The following SLC25A12 variants were observed in gnomAD, a reference collection of about 807,000 sequenced individuals.
SLC25A12 encodes electrogenic aspartate/glutamate antiporter SLC25A12, mitochondrial.
In SLC25A12, 32 loss-of-function variants were observed where a neutral mutation model predicts 83.3. The ratio of observed to expected loss-of-function variants is 0.38; its 90% confidence interval spans 0.29 to 0.52. SLC25A12 has a LOEUF of 0.52. Ranked by LOEUF, SLC25A12 falls within the 20% of genes least tolerant of loss-of-function variation. SLC25A12 has a pLI of 0.84. For synonymous variants in SLC25A12, 267 were observed against 291.1 expected (o/e 0.92, Z 0.84); for missense variants, 611 against 835.6 (o/e 0.73, Z 3.31).
chr2:171,854,841 T>A lies in SLC25A12; in HGVS notation c.325+993A>T, dbSNP rs978860467. On this transcript the variant is annotated intron_variant, in intron 4 of 17. Transcript: ENST00000422440. ...TCAAACACAATAGTGAATAAGTGTTTAATGCCATAGCTCAGGGAAAGCCTG... is the reference window on the plus strand; with the variant it reads ...TCAAACACAATAGTGAATAAGTGTTAAATGCCATAGCTCAGGGAAAGCCTG... 6.0e-4 allele frequency among the ~76,000 whole-genome samples: 91 copies of A among 152,216 alleles called. 1 individual carries two copies. The highest frequency in any genetic ancestry group is 2.1e-3 in the African/African-American group (85 of 41,460).
intron 14 of SLC25A12, 90 bp from the exon 15 acceptor site, chr2:171,791,679 C>A (rs1683464723): frequency 8.0e-7 from 1 of 1,253,486 alleles, no homozygotes; most frequent in Non-Finnish European, 1.2e-6. Flanking sequence ...CAGTGACAAG[C>A]TTGAGGTGTC....
intron 3 of SLC25A12, among the ~76,000 whole-genome samples, chr2:171,864,101 T>C (rs1473108442): frequency 4.6e-5 from 7 of 152,214 alleles, no homozygotes; most frequent in African/African-American, 1.4e-4. Flanking sequence ...ATTGATTCTA[T>C]TGCATGCGAG....
chr2:171,852,843 TC>T (rs1291916849), intron 4 of SLC25A12, among the ~76,000 whole-genome samples: 1 of 152,222 alleles, frequency 6.6e-6, no homozygotes, highest in African/African-American at 2.4e-5. Flanking sequence ...AAGGAAACTT[TC>T]TTTTATCATT....
intron 3 of SLC25A12, among the ~76,000 whole-genome samples, chr2:171,858,267 A>G (rs1685084876): frequency 6.6e-6 from 1 of 152,198 alleles, no homozygotes; most frequent in South Asian, 2.1e-4. Context: ...ATATTTCAAA[A>G]TGTGTTAATT....
intron 13 of SLC25A12, among the ~76,000 whole-genome samples, chr2:171,808,844 C>CTG (rs1489847073): frequency 9.9e-5 from 15 of 151,714 alleles, no homozygotes; most frequent in African/African-American, 3.6e-4. Context: ...CTATCTCTCC[C>CTG]CCAACCCCCA....
chr2:171,834,752 T>C lies in SLC25A12; in HGVS notation c.726A>G (p.Thr242=), dbSNP rs980723775. 4 of 1,613,776 alleles carry C rather than the reference T, an allele frequency of 2.5e-6. No homozygotes were observed. The highest frequency in any genetic ancestry group is 3.4e-6 in the Non-Finnish European group (4 of 1,179,958). ...VRKIYSTLAG[T]RKDVEVTKEE... is the part of the protein sequence containing the mutation. ...CCTTTGTGACTTCAACATCTTTCCT[T>C]GTGCCAGCTAGAGTGCTATATATCT... Residue 242 remains threonine, a synonymous_variant, in exon 7 of 18, where the codon ACA becomes ACG. Transcript: ENST00000422440.
chr2:171,799,401 G>A (rs935970435), intron 13 of SLC25A12, among the ~76,000 whole-genome samples: 1 of 152,186 alleles, frequency 6.6e-6, no homozygotes, highest in South Asian at 2.1e-4. Flanking sequence ...GGGGATGAGA[G>A]GTGGAAGAGC....
chr2:171,884,871 A>C (rs1326514261), intron 2 of SLC25A12, among the ~76,000 whole-genome samples: 1 of 152,116 alleles, frequency 6.6e-6, no homozygotes, highest in Non-Finnish European at 1.5e-5. Flanking sequence ...ATCTCTATAA[A>C]GGTAGAACCT....
At chr2:171,870,087 A>G (rs940802517) in intron 2 of SLC25A12, among the ~76,000 whole-genome samples, 1 of 152,178 alleles carries the variant, frequency 6.6e-6, no homozygotes, top group Non-Finnish European at 1.5e-5. Context: ...TTTGTTTACT[A>G]ATATATCCCA....
At chr2:171,861,453 C>A (rs1685157487) in intron 3 of SLC25A12, among the ~76,000 whole-genome samples, 2 of 152,128 alleles carry the variant, frequency 1.3e-5, no homozygotes, top group Admixed American at 6.5e-5. Flanking sequence ...TGTCTCCCAG[C>A]TGGAGAGCAA....
Position 171,785,371 on chromosome 2 carries a change from G to A in SLC25A12, c.1940C>T (p.Ala647Val). ...AAGGCCAAATTTGTTTTCGATGCCT[G>A]CAAACGTGGCTGTGGCGAGTCTGTA... ...GGYRLATATFAGIENKFGLYL... is the reference protein window; with the variant it reads ...GGYRLATATFVGIENKFGLYL... The change falls in exon 18 of 18, where the codon GCA becomes GTA. Residue 647 changes from alanine (A) to valine (V), a missense_variant. By Grantham distance (64) the Ala-to-Val change is moderately conservative. This residue lies in a region of SLC25A12 where 540 missense variants were observed against 777.5 expected (regional missense o/e 0.69). Coordinates refer to ENST00000422440, the MANE Select transcript of SLC25A12 (RefSeq NM_003705.5). 1 of 1,614,202 alleles carries A rather than the reference G, an allele frequency of 6.2e-7. No individual in the cohort carries two copies. The highest frequency in any genetic ancestry group is 2.2e-5 in the East Asian group (1 of 44,892).
intron 13 of SLC25A12, among the ~76,000 whole-genome samples, chr2:171,798,732 A>C (rs1325509083): frequency 6.6e-6 from 1 of 152,228 alleles, no homozygotes; most frequent in African/African-American, 2.4e-5. Flanking sequence ...AAAATAGGAT[A>C]GTGATAGTTT....
intron 2 of SLC25A12, among the ~76,000 whole-genome samples, chr2:171,873,963 A>G (rs745333508): frequency 6.6e-6 from 1 of 151,992 alleles, no homozygotes; most frequent in Non-Finnish European, 1.5e-5. Context: ...CGGTGGCTCA[A>G]GCCTGTAATC....
chr2:171,836,595 T>G (rs1383719924), intron 6 of SLC25A12, among the ~76,000 whole-genome samples: 1 of 152,186 alleles, frequency 6.6e-6, no homozygotes, highest in Admixed American at 6.5e-5. Context: ...GCCATGGGCA[T>G]GGTTATTAAA....
At position 171,791,668 on chromosome 2, in the gene SLC25A12, T is replaced by C. The variant is rs1243591957; in HGVS notation, c.1447-79A>G. On this transcript the variant is annotated intron_variant, in intron 14 of 17. Transcript: ENST00000422440. ...CCAAATGGGATCCATGTGACATTTG[T>C]CAGTGACAAGCTTGAGGTGTCCCTC... The C allele has an allele frequency of 5.1e-6, 7 of 1,382,114 alleles. No homozygotes were observed. In the East Asian group the frequency reaches 1.6e-4, roughly 32 times the overall value. The allele number at this position is 1,382,114 out of a possible 1,614,324, so 85.6% of individuals were successfully genotyped here.
At chr2:171,893,283 C>G in intron 1 of SLC25A12, 25 bp from the exon 2 acceptor site, 3 of 1,604,792 alleles carry the variant, frequency 1.9e-6, no homozygotes, top group Non-Finnish European at 2.6e-6. Flanking sequence ...GAAAAAAAAG[C>G]CAGTTAATGC....
At position 171,868,717 on chromosome 2, in the gene SLC25A12, T is replaced by C; in HGVS notation, c.173A>G (p.Gln58Arg). Reference sequence around the variant, plus strand: ...TTGATCAGCTACTCCTGCCAAGAGCTGCACGATCTTTGGGTTACTATTTGG... The same window carrying C: ...TTGATCAGCTACTCCTGCCAAGAGCCGCACGATCTTTGGGTTACTATTTGG... ...NDPNSNPKIV[Q>R]LLAGVADQTK... Residue 58 changes from glutamine to arginine, a missense_variant, in exon 3 of 18, where the codon CAG (glutamine) becomes CGG (arginine). By Grantham distance (43) the Gln-to-Arg change is conservative. Transcript: ENST00000422440. 1 of 1,614,052 alleles carries C rather than the reference T, an allele frequency of 6.2e-7. No individual in the cohort carries two copies. Among genetic ancestry groups the C allele is most frequent in the East Asian group, 2.2e-5 (1 of 44,882 alleles).
chr2:171,844,468 A>T lies in SLC25A12; in HGVS notation c.366T>A (p.His122Gln). The T allele has an allele frequency of 1.2e-6, 2 of 1,608,012 alleles. No individual in the cohort carries two copies. Among genetic ancestry groups the T allele is most frequent in the Non-Finnish European group, 1.7e-6 (2 of 1,174,498 alleles). Residue 122 changes from histidine to glutamine, a missense_variant, in exon 5 of 18, where the codon CAT (histidine) becomes CAA (glutamine). By Grantham distance (24) the His-to-Gln change is conservative. This residue lies in a region of SLC25A12 where 540 missense variants were observed against 777.5 expected (regional missense o/e 0.69). Transcript: ENST00000422440. The part of the protein sequence containing the change: ...KEIFGQTIIH[H>Q]HIPFNWDCEF... ...CACAATCCCAGTTAAAAGGGATATG[A>T]TGATGAATAATAGTCTGTCCAAAAA...
intron 3 of SLC25A12, among the ~76,000 whole-genome samples, chr2:171,866,658 C>CA (rs1685320965): frequency 9.1e-6 from 1 of 109,844 alleles, no homozygotes; most frequent in Admixed American, 8.9e-5. Flanking sequence ...ACCTCCCTCC[C>CA]GAACGGGGCG....
Sources: gnomAD v4.1 joint callset for allele counts (sites outside exome capture counted in the v4.1 genomes callset) on GRCh38, gnomAD v4.1.1 for gene constraint, gnomAD v4.1.1 regional missense constraint, MANE v1.5 for transcripts, NCBI Gene and HGNC (gene_info 2026-07-23, HGNC 2026-07-21) for gene names.